Variants in MAP3K10 observed in about 807,000 individuals in gnomAD.
MAP3K10 encodes MKN28 derived nonreceptor_type serine/threonine kinase.
Under a neutral mutation model 75.0 loss-of-function variants are expected in MAP3K10, and 22 were observed. The ratio of observed to expected loss-of-function variants is 0.29; its 90% confidence interval spans 0.21 to 0.42. The LOEUF (loss-of-function observed/expected upper bound fraction) is 0.42, where lower values mean the gene tolerates loss of function less well. Ranked by LOEUF, MAP3K10 falls within the 10% of genes least tolerant of loss-of-function variation. The probability of loss-of-function intolerance (pLI) is 1.00; values close to 1 mark genes in which losing one functional copy is unlikely to be tolerated. For missense variants in MAP3K10, 1,165 were observed against 1,379.8 expected, an observed-to-expected ratio of 0.84 and a Z score of 2.47; for synonymous variants, 599 against 612.9, an observed-to-expected ratio of 0.98 and a Z score of 0.34.
chr19:40,209,981 A>C (rs1973204196), intron 6 of MAP3K10, among the ~76,000 whole-genome samples: 1 of 151,882 alleles, frequency 6.6e-6, no homozygotes, highest in African/African-American at 2.4e-5. Context: ...AAAAACAAAA[A>C]CAAAGGCCAG....
chr19:40,206,424 T>A (rs562559721), intron 5 of MAP3K10: 9 of 330,000 alleles, frequency 2.7e-5, no homozygotes, highest in African/African-American at 4.3e-5. Flanking sequence ...AAATTTTTTT[T>A]AATTAGCTGG....
At chr19:40,207,401 T>G (rs1973143033) in intron 5 of MAP3K10, among the ~76,000 whole-genome samples, 1 of 152,128 alleles carries the variant, frequency 6.6e-6, no homozygotes, top group Admixed American at 6.6e-5. Context: ...TCTAGTAAGC[T>G]ACACATAAAA....
At position 40,198,221 on chromosome 19, in the gene MAP3K10, T is replaced by A. The variant is rs1381327596; in HGVS notation, c.683-154T>A. On this transcript the variant is annotated intron_variant, in intron 1 of 9. Coordinates refer to ENST00000253055, the MANE Select transcript of MAP3K10 (RefSeq NM_002446.4). This position sits in a 1 kb window ranked among gnomAD's most constrained non-coding sequence, Gnocchi z 4.3. ...GATTAGACCTGGGCGGAGGGGCTCA[T>A]GGATGTTCCAGGCCAGGAAAGGACC... 2.0e-5 allele frequency among the ~76,000 whole-genome samples: 3 copies of A among 152,118 alleles called. No individual in the cohort carries two copies. The highest frequency in any genetic ancestry group is 4.8e-5 in the African/African-American group (2 of 41,436).
intron 1 of MAP3K10, among the ~76,000 whole-genome samples, chr19:40,197,405 C>T (rs9749056): frequency 6.6e-6 from 1 of 151,956 alleles, no homozygotes; most frequent in Non-Finnish European, 1.5e-5. Context: ...AGCTCACTGC[C>T]ACCTCCACCT....
At position 40,215,340 on chromosome 19, in the gene MAP3K10, A is replaced by G. The variant is rs1021949107; in HGVS notation, c.*48A>G. 13 of 1,483,030 alleles carry G rather than the reference A, an allele frequency of 8.8e-6. No individual in the cohort carries two copies. In the African/African-American group the frequency reaches 1.8e-4, roughly 21 times the overall value. 91.9% of individuals were successfully genotyped at this position (1,483,030 alleles called of 1,614,324 possible). ...TGGGCAGCCATGAATGTAGCGCCCCAGGCCCTGCCCCAGCCCGCCATGCCA... is the reference window on the plus strand; with the variant it reads ...TGGGCAGCCATGAATGTAGCGCCCCGGGCCCTGCCCCAGCCCGCCATGCCA... On this transcript the variant is annotated 3_prime_UTR_variant, in exon 10 of 10. Transcript: ENST00000253055.
Position 40,198,279 on chromosome 19 carries a change from A to T in MAP3K10, c.683-96A>T. 8.3e-7 allele frequency: 1 copy of T among 1,208,118 alleles called. No individual in the cohort carries two copies. Among genetic ancestry groups the T allele is most frequent in the Non-Finnish European group, 1.2e-6 (1 of 859,612 alleles). 74.8% of individuals were successfully genotyped at this position (1,208,118 alleles called of 1,614,324 possible). A position where few individuals can be genotyped will look rare whatever the true frequency, so the allele number is the denominator to read the frequency against. On this transcript the variant is annotated intron_variant, in intron 1 of 9. Coordinates refer to ENST00000253055, the MANE Select transcript of MAP3K10 (RefSeq NM_002446.4). This position sits in a 1 kb window ranked among gnomAD's most constrained non-coding sequence, Gnocchi z 4.3. ...GAGCGGGGCAGCCTGAGGCAGTGAG[A>T]GGAAAGACGTGTTTCTAGCTGAGGC...
At chr19:40,206,492 C>G (rs1018101536) in intron 5 of MAP3K10, 2 of 203,510 alleles carry the variant, frequency 9.8e-6, no homozygotes, top group African/African-American at 2.3e-5. Flanking sequence ...GGGAGGATCA[C>G]TTGAGTCCAG....
chr19:40,195,477 T>A (rs944106186), intron 1 of MAP3K10, among the ~76,000 whole-genome samples: 10 of 54,834 alleles, frequency 1.8e-4, no homozygotes, highest in Non-Finnish European at 2.3e-4. Flanking sequence ...CGGCCTTTTT[T>A]TTTTTTTTTT....
At chr19:40,201,794 CTTT>C (rs757199734) in intron 2 of MAP3K10, among the ~76,000 whole-genome samples, 4,127 of 123,310 alleles carry the variant, frequency 0.033, 89 homozygotes, top group Middle Eastern at 0.068. Flanking sequence ...CACACGCCAG[CTTT>C]TTTTTTTTTT....
At chr19:40,214,932 C>G in intron 9 of MAP3K10, 38 bp from the exon 10 acceptor site, 3 of 948,624 alleles carry the variant, frequency 3.2e-6, no homozygotes, top group Non-Finnish European at 3.3e-6. Flanking sequence ...CCACCCTCTG[C>G]CCCACCCCAC....
rs987992241 is a variant in MAP3K10 at position 40,213,498 on chromosome 19, T to C, written c.1838-19T>C. On this transcript the variant is annotated intron_variant, in intron 8 of 9. Transcript: ENST00000253055. This position sits in a 1 kb window ranked among gnomAD's most constrained non-coding sequence, Gnocchi z 5.7. ...CCTGGCCAGCCCTGCAGCGGAGTGA[T>C]GGCCCTCTCCGGTTGCAGAGGAGTT... 3.4e-5 allele frequency: 55 copies of C among 1,609,874 alleles called. No homozygotes were observed. The highest frequency in any genetic ancestry group is 3.6e-5 in the Non-Finnish European group (42 of 1,179,196).
At chr19:40,214,307 C>T (rs1973308886) in intron 9 of MAP3K10, 86 bp downstream of exon 9, 3 of 1,320,626 alleles carry the variant, frequency 2.3e-6, no homozygotes, top group Non-Finnish European at 2.9e-6. Context: ...AGCCACGACC[C>T]CTCAGGCAGC....
chr19:40,197,730 T>C (rs1012362173), intron 1 of MAP3K10, among the ~76,000 whole-genome samples: 1 of 152,108 alleles, frequency 6.6e-6, no homozygotes, highest in African/African-American at 2.4e-5. Context: ...ACGGGGGTGA[T>C]AGACACGAGG....
At chr19:40,203,494 C>T (rs971983386) in intron 2 of MAP3K10, among the ~76,000 whole-genome samples, 1 of 152,208 alleles carries the variant, frequency 6.6e-6, no homozygotes, top group African/African-American at 2.4e-5. Flanking sequence ...CACAGTGACG[C>T]ACGCTCTGGT....
chr19:40,195,048 C>T (rs992814035), intron 1 of MAP3K10, among the ~76,000 whole-genome samples: 6 of 152,144 alleles, frequency 3.9e-5, no homozygotes, highest in African/African-American at 1.4e-4. Flanking sequence ...CAGTGGGGCA[C>T]ATGCCCTGAG....
At position 40,204,365 on chromosome 19, in the gene MAP3K10, C is replaced by A; in HGVS notation, c.864-120C>A. On this transcript the variant is annotated intron_variant, in intron 2 of 9. Transcript: ENST00000253055. This position sits in a 1 kb window ranked among gnomAD's most constrained non-coding sequence, Gnocchi z 4.3. Reference sequence around the variant, plus strand: ...AGGTCAAAGCAAGTTCTTGTGACCTCATTGGCCGGGGGTGGCTGTTGGGGT... The same window carrying A: ...AGGTCAAAGCAAGTTCTTGTGACCTAATTGGCCGGGGGTGGCTGTTGGGGT... 8.8e-7 allele frequency: 1 copy of A among 1,141,504 alleles called. No individual in the cohort carries two copies. Among genetic ancestry groups the A allele is most frequent in the Non-Finnish European group, 1.2e-6 (1 of 827,356 alleles). 70.7% of individuals were successfully genotyped at this position (1,141,504 alleles called of 1,614,324 possible).
At position 40,213,663 on chromosome 19, in the gene MAP3K10, C is replaced by T; in HGVS notation, c.1984C>T (p.Arg662Trp). 2 of 1,231,744 alleles carry T rather than the reference C, an allele frequency of 1.6e-6. No homozygotes were observed. Among genetic ancestry groups the T allele is most frequent in the South Asian group, 4.2e-5 (2 of 47,466 alleles). The allele number at this position is 1,231,744 out of a possible 1,614,324, so 76.3% of individuals were successfully genotyped here. The change falls in exon 9 of 10, where the codon CGG becomes TGG. Residue 662 changes from arginine (R) to tryptophan (W), a missense_variant. Coordinates refer to ENST00000253055, the MANE Select transcript of MAP3K10 (RefSeq NM_002446.4). This position sits in a 1 kb window ranked among gnomAD's most constrained non-coding sequence, Gnocchi z 5.7. ...GCCGACGCCGTCCGCGCCCCCCGCT[C>T]GGTGGGGACACGGCGCCCGGCGGCG... Reference protein sequence around the residue: ...WEPTPSAPPARWGHGARRRCD... With the variant: ...WEPTPSAPPAWWGHGARRRCD...
chr19:40,192,287 G>T lies in MAP3K10; in HGVS notation c.256G>T (p.Gly86Cys). 1 of 1,595,766 alleles carries T rather than the reference G, an allele frequency of 6.3e-7. No homozygotes were observed. The change falls in exon 1 of 10, where the codon GGC becomes TGC. Residue 86 changes from glycine (G) to cysteine (C), a missense_variant. Coordinates refer to ENST00000253055, the MANE Select transcript of MAP3K10 (RefSeq NM_002446.4). This position sits in a 1 kb window ranked among gnomAD's most constrained non-coding sequence, Gnocchi z 7.1. ...VAPGAPAAPA[G>C]LQLPQEIPFH... The stretch of plus-strand genomic sequence containing the variant: ...CCCCGGCGCCCCCGCTGCACCCGCG[G>T]GCCTCCAGCTGCCCCAGGAGATCCC...
rs1331167100 is a variant in MAP3K10 at position 40,213,320 on chromosome 19, C to T, written c.1837+132C>T. 7 of 1,452,436 alleles carry T rather than the reference C, an allele frequency of 4.8e-6. No homozygotes were observed. The highest frequency in any genetic ancestry group is 6.3e-6 in the Non-Finnish European group (7 of 1,106,974). 90.0% of individuals were successfully genotyped at this position (1,452,436 alleles called of 1,614,324 possible). ...GCCTTCCTGGGAAGGGAGATGGTGG[C>T]CCCTGGGGCGTGGGGGGTCATTTCC... On this transcript the variant is annotated intron_variant, in intron 8 of 9. Coordinates refer to ENST00000253055, the MANE Select transcript of MAP3K10 (RefSeq NM_002446.4). The surrounding 1 kb of genome is among the most constrained non-coding windows in gnomAD (Gnocchi z 5.7).
Sources: allele counts gnomAD v4.1 joint callset (sites outside exome capture counted in the v4.1 genomes callset), GRCh38; gene constraint gnomAD v4.1.1; non-coding constraint Gnocchi (gnomAD v3.1); transcripts MANE v1.5; gene names NCBI Gene and HGNC (gene_info 2026-07-23, HGNC 2026-07-21).